Variants in CSMD1 observed in about 807,000 individuals in gnomAD.
CSMD1 encodes CUB and Sushi multiple domains 1.
In CSMD1, 213 loss-of-function variants were observed where a neutral mutation model predicts 417.5. The ratio of observed to expected loss-of-function variants is 0.51; its 90% CI spans 0.46 to 0.57. The LOEUF (loss-of-function observed/expected upper bound fraction) is 0.57, where lower values mean the gene tolerates loss of function less well. CSMD1 is among the 20% of genes least tolerant of loss of function. The pLI, the probability that CSMD1 is intolerant of heterozygous loss-of-function variation, is 0.00. For missense variants in CSMD1, 6,923 were observed against 4,529.7 expected (o/e 1.53, Z -15.17); for synonymous variants, 2,862 against 1,736.8 (o/e 1.65, Z -16.11).
At chr8:4,968,489 G>A (rs538224090) in intron 1 of CSMD1, among the ~76,000 whole-genome samples, 1 of 152,144 alleles carries the variant, frequency 6.6e-6, no homozygotes, top group African/African-American at 2.4e-5. Context: ...TTAAGATATA[G>A]GAAAATGCAA....
chr8:4,332,655 A>G (rs1440929977), intron 3 of CSMD1, among the ~76,000 whole-genome samples: 2 of 151,250 alleles, frequency 1.3e-5, no homozygotes, highest in Admixed American at 6.6e-5. Context: ...AGCTCTCATT[A>G]CTACCGTTTT....
intron 26 of CSMD1, among the ~76,000 whole-genome samples, chr8:3,261,199 T>C (rs559619321): frequency 6.6e-6 from 1 of 152,320 alleles, no homozygotes; most frequent in Non-Finnish European, 1.5e-5. Flanking sequence ...GACAATTTTA[T>C]ATCGTCTGTA....
chr8:4,453,091 T>C (rs902173931), intron 2 of CSMD1, among the ~76,000 whole-genome samples: 26 of 152,040 alleles, frequency 1.7e-4, no homozygotes, highest in African/African-American at 6.0e-4. Context: ...CCTGGGGCTA[T>C]AGACAGGGAG....
chr8:4,886,333 AT>A (rs545421585), intron 1 of CSMD1, among the ~76,000 whole-genome samples: 3 of 151,670 alleles, frequency 2.0e-5, no homozygotes, highest in East Asian at 1.9e-4. Flanking sequence ...CACTATATAT[AT>A]TTTTTTATTT....
Position 4,774,867 on chromosome 8 carries a change from C to G in CSMD1, c.86-137309G>C, listed in dbSNP as rs1045616188. Among the ~76,000 whole-genome samples the G allele has an allele frequency of 1.3e-4, 20 of 152,280 alleles. No homozygotes were observed. The East Asian group carries it at 3.5e-3, about 26-fold the overall frequency. ...GAAGTGTTGATTCCTTGTTTACCTT[C>G]CGCCATGACTGAAAGTTACCTGAGG... On this transcript the variant is annotated intron_variant, in intron 1 of 69. Transcript: ENST00000635120.
At chr8:3,750,330 A>G (rs1797272612) in intron 6 of CSMD1, among the ~76,000 whole-genome samples, 1 of 149,820 alleles carries the variant, frequency 6.7e-6, no homozygotes, top group South Asian at 2.1e-4. Context: ...GTATATATAT[A>G]TCTTATATAT....
chr8:3,585,997 A>T, intron 9 of CSMD1, 139 bp downstream of exon 9: 1 of 837,158 alleles, frequency 1.2e-6, no homozygotes, highest in Non-Finnish European at 1.8e-6. Flanking sequence ...GTTATTACCC[A>T]CATCACTATG....
intron 5 of CSMD1, among the ~76,000 whole-genome samples, chr8:3,884,846 T>C (rs554731454): frequency 4.4e-4 from 66 of 151,632 alleles, no homozygotes; most frequent in African/African-American, 1.5e-3. Context: ...AGTCTGTGTA[T>C]GAAAATGCCA....
chr8:4,123,303 G>C (rs769123220), intron 3 of CSMD1, among the ~76,000 whole-genome samples: 4 of 152,184 alleles, frequency 2.6e-5, no homozygotes, highest in African/African-American at 9.7e-5. Context: ...ACATTTTCCA[G>C]GTCACTATCT....
chr8:3,637,317 T>C (rs1563221001), intron 7 of CSMD1, among the ~76,000 whole-genome samples: 1 of 152,184 alleles, frequency 6.6e-6, no homozygotes, highest in African/African-American at 2.4e-5. Context: ...ACAATCTATG[T>C]CTAAGATCCT....
chr8:4,809,996 C>G (rs1227674610), intron 1 of CSMD1, among the ~76,000 whole-genome samples: 1 of 152,164 alleles, frequency 6.6e-6, no homozygotes, highest in African/African-American at 2.4e-5. Context: ...TCAGGAATAT[C>G]AAGTGAATAT....
At chr8:3,976,481 G>A (rs1348670112) in intron 5 of CSMD1, among the ~76,000 whole-genome samples, 2 of 152,078 alleles carry the variant, frequency 1.3e-5, no homozygotes, top group African/African-American at 2.4e-5. Flanking sequence ...CTAGAAGTGT[G>A]ACTAACACAT....
At chr8:3,808,644 G>C (rs56014484) in intron 5 of CSMD1, among the ~76,000 whole-genome samples, 1 of 152,094 alleles carries the variant, frequency 6.6e-6, no homozygotes, top group Non-Finnish European at 1.5e-5. Context: ...TAGTTCCTGA[G>C]CCCAAGGGAC....
At chr8:4,168,725 C>G (rs1797595733) in intron 3 of CSMD1, among the ~76,000 whole-genome samples, 1 of 152,150 alleles carries the variant, frequency 6.6e-6, no homozygotes, top group Admixed American at 6.5e-5. Context: ...AAGAACCCAA[C>G]TCTTAGACCT....
intron 5 of CSMD1, among the ~76,000 whole-genome samples, chr8:3,789,394 TTTTTTTTAA>T (rs1799609276): frequency 2.0e-5 from 1 of 49,378 alleles, no homozygotes; most frequent in African/African-American, 5.5e-5. Context: ...AGTAGTGTTT[TTTTTTTTAA>T]GTAAGTTTTT....
chr8:4,419,920 G>C, intron 3 of CSMD1, 33 bp downstream of exon 3: 3 of 1,320,098 alleles, frequency 2.3e-6, no homozygotes, highest in Non-Finnish European at 3.2e-6. Context: ...TTTGGACAGT[G>C]AATGCATGTG....
chr8:4,826,718 C>T (rs1290506610), intron 1 of CSMD1, among the ~76,000 whole-genome samples: 1 of 152,122 alleles, frequency 6.6e-6, no homozygotes, highest in Non-Finnish European at 1.5e-5. Context: ...CCTTTCGTGA[C>T]CCTCATGCCC....
At chr8:3,983,480 G>C (rs889071572) in intron 5 of CSMD1, among the ~76,000 whole-genome samples, 1 of 152,144 alleles carries the variant, frequency 6.6e-6, no homozygotes, top group Non-Finnish European at 1.5e-5. Context: ...TAGATATCAA[G>C]TCATGAGGAA....
intron 2 of CSMD1, among the ~76,000 whole-genome samples, chr8:4,618,124 T>C (rs569761795): frequency 6.6e-6 from 1 of 152,042 alleles, no homozygotes; most frequent in Admixed American, 6.6e-5. Context: ...ACATGAAAGG[T>C]TTCTGTCCTT....
Sources: gnomAD v4.1 joint callset for allele counts (sites outside exome capture counted in the v4.1 genomes callset) on GRCh38, gnomAD v4.1.1 for gene constraint, MANE v1.5 for transcripts, NCBI Gene and HGNC (gene_info 2026-07-23, HGNC 2026-07-21) for gene names.